DLG2: variants seen among roughly 807,000 people sequenced by gnomAD.
DLG2 encodes disks large homolog 2.
Under a neutral mutation model 132.5 loss-of-function variants are expected in DLG2, and 45 were observed. The ratio of observed to expected loss-of-function variants is 0.34; its 90% CI spans 0.27 to 0.44. The LOEUF (loss-of-function observed/expected upper bound fraction) is 0.44. Among genes scored for constraint, DLG2 ranks in the 20% least tolerant of loss-of-function variants. DLG2 has a pLI of 1.00. For missense variants in DLG2, 1,045 were observed against 1,196.9 expected (o/e 0.87, Z 1.87); for synonymous variants, 424 against 419.6 (o/e 1.01, Z -0.13).
chr11:84,632,457 G>A (rs1055063990), intron 6 of DLG2, among the ~76,000 whole-genome samples: 7 of 152,140 alleles, frequency 4.6e-5, no homozygotes, highest in African/African-American at 1.2e-4. Flanking sequence ...AGAGTGCTCC[G>A]TTTGAGAGTA....
chr11:84,733,598 T>A (rs1565816573), intron 6 of DLG2, among the ~76,000 whole-genome samples: 1 of 152,220 alleles, frequency 6.6e-6, no homozygotes, highest in Non-Finnish European at 1.5e-5. Context: ...GCCTGTTCAC[T>A]CTGAGGGTAG....
At chr11:84,299,903 T>C (rs1321392853) in intron 7 of DLG2, among the ~76,000 whole-genome samples, 2 of 152,160 alleles carry the variant, frequency 1.3e-5, no homozygotes, top group Admixed American at 6.5e-5. Context: ...AACCAGAAGG[T>C]GCCCAGCTTT....
At chr11:83,881,077 T>G (rs2066132207) in intron 15 of DLG2, among the ~76,000 whole-genome samples, 2 of 152,178 alleles carry the variant, frequency 1.3e-5, no homozygotes, top group South Asian at 4.1e-4. Flanking sequence ...GTGATTACTT[T>G]TGCACCAATC....
chr11:83,887,182 C>A (rs1381571662), intron 15 of DLG2, among the ~76,000 whole-genome samples: 1 of 151,910 alleles, frequency 6.6e-6, no homozygotes, highest in Non-Finnish European at 1.5e-5. Flanking sequence ...AAAGGATCAA[C>A]AAAATTGATA....
At chr11:85,427,239 A>C (rs2090826921) in intron 3 of DLG2, among the ~76,000 whole-genome samples, 1 of 152,232 alleles carries the variant, frequency 6.6e-6, no homozygotes, top group Non-Finnish European at 1.5e-5. Flanking sequence ...CAATCTAGCA[A>C]GGCAGGCCAA....
At chr11:85,399,076 G>A (rs1347741470) in intron 3 of DLG2, among the ~76,000 whole-genome samples, 1 of 152,122 alleles carries the variant, frequency 6.6e-6, no homozygotes, top group Admixed American at 6.6e-5. Flanking sequence ...AGCAACTTCA[G>A]CAAAGTCTCA....
At chr11:84,396,395 A>T (rs912021969) in intron 7 of DLG2, among the ~76,000 whole-genome samples, 7 of 152,224 alleles carry the variant, frequency 4.6e-5, no homozygotes, top group African/African-American at 9.6e-5. Flanking sequence ...TTTAAAAAAA[A>T]ATATATGGTG....
chr11:83,503,629 G>T (rs1403685220), intron 21 of DLG2, among the ~76,000 whole-genome samples: 2 of 151,618 alleles, frequency 1.3e-5, no homozygotes, highest in Non-Finnish European at 2.9e-5. Flanking sequence ...GGGCTGGGAG[G>T]CTAGACCAGT....
intron 6 of DLG2, among the ~76,000 whole-genome samples, chr11:84,921,238 T>A (rs2154083781): frequency 6.6e-6 from 1 of 152,200 alleles, no homozygotes; most frequent in Non-Finnish European, 1.5e-5. Flanking sequence ...CCCTAAAAAA[T>A]TATGAATTAT....
intron 7 of DLG2, among the ~76,000 whole-genome samples, chr11:84,510,149 C>T (rs376514517): frequency 6.7e-6 from 1 of 150,110 alleles, no homozygotes; most frequent in East Asian, 1.9e-4. Flanking sequence ...TAATTAAAAA[C>T]AGTAAATTAG....
chr11:84,960,243 C>T, intron 6 of DLG2, among the ~76,000 whole-genome samples: 1 of 152,000 alleles, frequency 6.6e-6, no homozygotes, highest in East Asian at 1.9e-4. Flanking sequence ...AAAGTCTTCC[C>T]CTTGGGTCTT....
chr11:84,517,747 C>A (rs2099278072), intron 7 of DLG2, among the ~76,000 whole-genome samples: 1 of 151,932 alleles, frequency 6.6e-6, no homozygotes, highest in South Asian at 2.1e-4. Flanking sequence ...TGGAATCAAC[C>A]TAAATGTTCA....
intron 11 of DLG2, among the ~76,000 whole-genome samples, chr11:83,990,118 T>C (rs1313476704): frequency 1.3e-5 from 2 of 152,036 alleles, no homozygotes; most frequent in African/African-American, 4.8e-5. Context: ...TAAACAAAGC[T>C]GACACAGAAA....
At chr11:85,540,647 G>A (rs968866406) in intron 3 of DLG2, among the ~76,000 whole-genome samples, 1 of 152,234 alleles carries the variant, frequency 6.6e-6, no homozygotes, top group Non-Finnish European at 1.5e-5. Flanking sequence ...TGATAAAGCA[G>A]AGGCTCTAAT....
chr11:85,553,088 C>G (rs1037883352), intron 3 of DLG2, among the ~76,000 whole-genome samples: 1 of 149,988 alleles, frequency 6.7e-6, no homozygotes. Context: ...TTCATTTATT[C>G]ACAAATATTT....
intron 4 of DLG2, among the ~76,000 whole-genome samples, chr11:85,278,080 C>T (rs1277102962): frequency 6.6e-6 from 1 of 152,162 alleles, no homozygotes; most frequent in Non-Finnish European, 1.5e-5. Flanking sequence ...TCTCAGCTCC[C>T]CACCTACTAA....
intron 6 of DLG2, among the ~76,000 whole-genome samples, chr11:85,019,660 A>T (rs2059868193): frequency 6.6e-6 from 1 of 151,806 alleles, no homozygotes; most frequent in South Asian, 2.1e-4. Context: ...GATGTTCCCC[A>T]CCCTGTGTCC....
At chr11:83,784,791 T>G (rs894185792) in intron 18 of DLG2, among the ~76,000 whole-genome samples, 1 of 152,220 alleles carries the variant, frequency 6.6e-6, no homozygotes. Flanking sequence ...TTGATCACTA[T>G]CGAGAGCTTC....
At chr11:84,024,357 G>A (rs1194544151) in intron 11 of DLG2, among the ~76,000 whole-genome samples, 1 of 152,088 alleles carries the variant, frequency 6.6e-6, no homozygotes, top group Admixed American at 6.6e-5. Flanking sequence ...AGCATCACAG[G>A]CAAATAAATA....
Sources: allele counts gnomAD v4.1 joint callset (sites outside exome capture counted in the v4.1 genomes callset), GRCh38; gene constraint gnomAD v4.1.1; transcripts MANE v1.5; gene names NCBI Gene and HGNC (gene_info 2026-07-23, HGNC 2026-07-21).